The following CTBP1 variants were observed in gnomAD, a reference collection of about 807,000 sequenced individuals.
CTBP1 encodes C-terminal binding protein 1.
CTBP1 carries 11 observed loss-of-function variants against 42.1 expected under a neutral mutation model. That is an observed-to-expected ratio of 0.26 (90% CI 0.16 to 0.43). The LOEUF (loss-of-function observed/expected upper bound fraction) is 0.43. CTBP1 is among the 20% of genes least tolerant of loss of function. CTBP1 has a pLI of 1.00. For missense variants in CTBP1, 399 were observed against 624.3 expected (o/e 0.64, Z 3.85); for synonymous variants, 324 against 277.1 (o/e 1.17, Z -1.68).
upstream of CTBP1, chr4:1,249,984 C>T (rs1000248071): frequency 6.1e-6 from 1 of 164,420 alleles, no homozygotes; most frequent in African/African-American, 2.4e-5. Flanking sequence ...CCCCTGCAGA[C>T]TCTCCCGAGG....
At chr4:1,212,558 A>C in intron 9 of CTBP1, 135 bp from the exon 10 acceptor site, 1 of 800,756 alleles carries the variant, frequency 1.2e-6, no homozygotes, top group Non-Finnish European at 1.9e-6. Flanking sequence ...CCCGGCCTTT[A>C]CACGGATGTT....
chr4:1,249,630 C>T (rs920168373), upstream of CTBP1: 15 of 405,880 alleles, frequency 3.7e-5, no homozygotes, highest in East Asian at 4.9e-4. Context: ...CCATCGCCCC[C>T]ACCCGAGCCC....
At chr4:1,228,388 C>T (rs554763047) in intron 3 of CTBP1, 45 bp from the exon 4 acceptor site, 78 of 1,593,924 alleles carry the variant, frequency 4.9e-5, no homozygotes, top group Non-Finnish European at 6.5e-5. Flanking sequence ...CCTGAAGACC[C>T]TCGGGCTTGG....
intron 3 of CTBP1, among the ~76,000 whole-genome samples, chr4:1,231,917 C>G (rs1341311312): frequency 3.9e-5 from 6 of 152,260 alleles, no homozygotes; most frequent in Admixed American, 3.3e-4. Flanking sequence ...GCGGTGCCTG[C>G]TGCACCTGTG....
intron 5 of CTBP1, among the ~76,000 whole-genome samples, chr4:1,222,879 C>T (rs1729908157): frequency 6.6e-6 from 1 of 152,136 alleles, no homozygotes; most frequent in South Asian, 2.1e-4. Context: ...GCAACACACC[C>T]ACCTACTCTT....
chr4:1,244,994 C>T, intron 1 of CTBP1: 1 of 985,458 alleles, frequency 1.0e-6, no homozygotes, highest in African/African-American at 1.7e-5. Flanking sequence ...GGCAGGCCCC[C>T]AAGAGGGAGC....
intron 1 of CTBP1, among the ~76,000 whole-genome samples, chr4:1,245,862 C>T (rs1306692776): frequency 6.6e-6 from 1 of 152,090 alleles, no homozygotes; most frequent in East Asian, 1.9e-4. Flanking sequence ...TCTCTCAGGG[C>T]CATAGCCCCA....
chr4:1,224,310 G>A (rs1226673868), intron 5 of CTBP1, among the ~76,000 whole-genome samples: 2 of 152,118 alleles, frequency 1.3e-5, no homozygotes, highest in Non-Finnish European at 2.9e-5. Flanking sequence ...TGCGGCCCAT[G>A]TGTGTGCTGC....
At chr4:1,212,446 T>A in intron 9 of CTBP1, 23 bp from the exon 10 acceptor site, 1 of 1,418,998 alleles carries the variant, frequency 7.0e-7, no homozygotes. Context: ...GGTCCATCCG[T>A]GAGGCCCACC....
At chr4:1,234,663 G>C (rs987751226) in intron 3 of CTBP1, 2 of 152,244 alleles carry the variant, frequency 1.3e-5, no homozygotes, top group African/African-American at 2.4e-5. Flanking sequence ...AAAACTGTTT[G>C]AGTATTGTTT....
chr4:1,225,278 G>C lies in CTBP1; in HGVS notation c.514+82C>G, dbSNP rs997596485. On this transcript the variant is annotated intron_variant, in intron 5 of 9. Transcript: ENST00000382952. ...CCTGCAGCAGCCCCACCCCGCCCCG[G>C]GCCTCTCCTCCTGGGCACAGCTGAA... 5 of 1,452,010 alleles carry C rather than the reference G, an allele frequency of 3.4e-6. No individual in the cohort carries two copies. In the African/African-American group the frequency reaches 7.0e-5, roughly 20 times the overall value. 89.9% of individuals were successfully genotyped at this position (1,452,010 alleles called of 1,614,324 possible). A position where few individuals can be genotyped will look rare whatever the true frequency, so the allele number is the denominator to read the frequency against.
At chr4:1,244,354 T>TA in intron 1 of CTBP1, 2 of 960,522 alleles carry the variant, frequency 2.1e-6, no homozygotes, top group Non-Finnish European at 2.5e-6. Context: ...CTCTGGGCAC[T>TA]GGGGGGGGGG....
rs1389107186 is a variant in CTBP1, at chr4:1,248,608, G to A, written c.-189+308C>T. The stretch of plus-strand genomic sequence containing the variant: ...GGGTCCGACGGGGCTGGGGTCGGTG[G>A]AGCTGGGGGTCCGGCGGGGCAGCCC... On this transcript the variant is annotated intron_variant, in intron 1 of 9. Coordinates refer to ENST00000382952, the MANE Select transcript of CTBP1 (RefSeq NM_001012614.2). 4.7e-5 allele frequency: 42 copies of A among 895,426 alleles called. 1 individual carries two copies. The highest frequency in any genetic ancestry group is 6.2e-5 in the Admixed American group (1 of 16,048). The allele number at this position is 895,426 out of a possible 1,614,324, so 55.5% of individuals were successfully genotyped here.
chr4:1,232,465 C>A (rs1202204273), intron 3 of CTBP1, among the ~76,000 whole-genome samples: 1 of 152,064 alleles, frequency 6.6e-6, no homozygotes, highest in African/African-American at 2.4e-5. Context: ...GCGCGCACCA[C>A]CACGCGTGGC....
At chr4:1,215,874 G>T in intron 6 of CTBP1, 117 bp downstream of exon 6, 1 of 1,140,320 alleles carries the variant, frequency 8.8e-7, no homozygotes, top group African/African-American at 1.5e-5. Flanking sequence ...CCGCCATGTG[G>T]CTCGCTGAAG....
At chr4:1,245,845 C>T (rs1732667947) in intron 1 of CTBP1, among the ~76,000 whole-genome samples, 1 of 152,056 alleles carries the variant, frequency 6.6e-6, no homozygotes, top group Admixed American at 6.5e-5. Context: ...CCAACACCGC[C>T]CACACCTCTC....
rs111353691 is a variant in CTBP1, at chr4:1,244,048, G to A, written c.-188-2529C>T. The A allele has an allele frequency of 1.9e-4, 192 of 985,434 alleles. No homozygotes were observed. The African/African-American group carries it at 2.9e-3, about 15-fold the overall frequency. 61.0% of individuals were successfully genotyped at this position (985,434 alleles called of 1,614,324 possible). A position where few individuals can be genotyped will look rare whatever the true frequency, so the allele number is the denominator to read the frequency against. On this transcript the variant is annotated intron_variant, in intron 1 of 9. Coordinates refer to ENST00000382952, the MANE Select transcript of CTBP1 (RefSeq NM_001012614.2). ...CTGATTTTAAAGTAAATGGGGGTGA[G>A]GTGAGGGGCAGCAGCCCCCAGGTTC...
In CTBP1 at chr4:1,245,248, G is replaced by A. The variant is rs1165673835; in HGVS notation, c.-189+3668C>T. The A allele has an allele frequency of 1.2e-5, 12 of 985,330 alleles. No homozygotes were observed. The East Asian group carries it at 1.1e-3, about 93-fold the overall frequency. The allele number at this position is 985,330 out of a possible 1,614,324, so 61.0% of individuals were successfully genotyped here. On this transcript the variant is annotated intron_variant, in intron 1 of 9. Coordinates refer to ENST00000382952, the MANE Select transcript of CTBP1 (RefSeq NM_001012614.2). ...TCACAGCTCAGAGGACACAGCGCAG[G>A]GGCTGTGATCAAAGGCATGGATTTG... is the stretch of plus-strand genomic sequence containing the variant.
At chr4:1,230,754 G>C (rs1250117) in intron 3 of CTBP1, among the ~76,000 whole-genome samples, 1 of 152,134 alleles carries the variant, frequency 6.6e-6, no homozygotes, top group Non-Finnish European at 1.5e-5. Context: ...TCAGATTCAC[G>C]TGAATATGAC....
Sources: gnomAD v4.1 joint callset for allele counts (sites outside exome capture counted in the v4.1 genomes callset) on GRCh38, gnomAD v4.1.1 for gene constraint, MANE v1.5 for transcripts, NCBI Gene and HGNC (gene_info 2026-07-23, HGNC 2026-07-21) for gene names.